SLC6A18: variants seen among roughly 807,000 people sequenced by gnomAD.
SLC6A18 encodes the protein inactive sodium-dependent neutral amino acid transporter B(0)AT3.
Under a neutral mutation model 62.9 loss-of-function variants are expected in SLC6A18, and 58 were observed. That is an observed-to-expected ratio of 0.92 (90% CI 0.75 to 1.15). SLC6A18 has a LOEUF of 1.15. Among genes scored for constraint, SLC6A18 ranks in the 50% most tolerant of loss-of-function variants. The pLI is 0.00. For missense variants in SLC6A18, 793 were observed against 836.6 expected (o/e 0.95, Z 0.64); for synonymous variants, 382 against 365.8 (o/e 1.04, Z -0.51).
intron 1 of SLC6A18, among the ~76,000 whole-genome samples, chr5:1,228,732 C>T (rs968191877): frequency 6.6e-6 from 1 of 152,186 alleles, no homozygotes; most frequent in African/African-American, 2.4e-5. Context: ...ATTAGCCGGG[C>T]GTGCTGGCGT....
intron 1 of SLC6A18, among the ~76,000 whole-genome samples, chr5:1,230,854 T>A (rs1746714381): frequency 6.6e-6 from 1 of 151,638 alleles, no homozygotes; most frequent in African/African-American, 2.4e-5. Context: ...TGGGGAGGAG[T>A]CAACAGCCCT....
rs1424433332 is a variant in SLC6A18 at position 1,232,294 on chromosome 5, G to A, written c.236G>A (p.Gly79Asp). The A allele has an allele frequency of 6.2e-7, 1 of 1,612,540 alleles. No homozygotes were observed. Among genetic ancestry groups the A allele is most frequent in the Admixed American group, 1.7e-5 (1 of 59,998 alleles). ...ATTTTCCACGTCGAGCTCGCCATCG[G>A]CCAGCGGCTGCGGAAGGGCAGCGTC... ...IPIFHVELAIGQRLRKGSVGV... is the reference protein window; with the variant it reads ...IPIFHVELAIDQRLRKGSVGV... Residue 79 changes from glycine (G) to aspartate (D), a missense_variant, in exon 2 of 12, where the codon GGC becomes GAC. Coordinates refer to ENST00000324642, the MANE Select transcript of SLC6A18 (RefSeq NM_182632.3).
chr5:1,238,756 G>T (rs1347976887), intron 5 of SLC6A18, among the ~76,000 whole-genome samples: 1 of 152,228 alleles, frequency 6.6e-6, no homozygotes, highest in African/African-American at 2.4e-5. Context: ...GGTCAGGGGA[G>T]GAGGGACAGG....
intron 1 of SLC6A18, 41 bp from the exon 2 acceptor site, chr5:1,232,177 GC>G: frequency 1.3e-6 from 2 of 1,547,174 alleles, no homozygotes; most frequent in South Asian, 1.1e-5. Context: ...GTCCCCCCCA[GC>G]CCCCGACCCT....
At chr5:1,226,977 TTGC>T (rs1561173299) in intron 1 of SLC6A18, among the ~76,000 whole-genome samples, 46 of 148,142 alleles carry the variant, frequency 3.1e-4, no homozygotes, top group Admixed American at 1.5e-3. Flanking sequence ...CACCGACGCC[TTGC>T]CCACCGATGC....
chr5:1,227,539 A>T (rs1409595126), intron 1 of SLC6A18, among the ~76,000 whole-genome samples: 1 of 152,246 alleles, frequency 6.6e-6, no homozygotes, highest in African/African-American at 2.4e-5. Context: ...CTCATTGATG[A>T]TTTTGAAAAC....
At chr5:1,245,370 C>T (rs763014089) in intron 11 of SLC6A18, among the ~76,000 whole-genome samples, 9 of 152,206 alleles carry the variant, frequency 5.9e-5, no homozygotes, top group Non-Finnish European at 1.2e-4. Context: ...CATGCCACCC[C>T]TTCTCGGGAA....
At chr5:1,237,919 C>A in intron 4 of SLC6A18, 31 bp from the exon 5 acceptor site, 3 of 1,569,686 alleles carry the variant, frequency 1.9e-6, no homozygotes, top group Non-Finnish European at 2.6e-6. Flanking sequence ...GAGGCCATTT[C>A]AAGTCTCATG....
intron 6 of SLC6A18, 131 bp from the exon 7 acceptor site, chr5:1,240,400 C>A: frequency 7.3e-7 from 1 of 1,372,936 alleles, no homozygotes; most frequent in Non-Finnish European, 9.9e-7. Context: ...CAGCAGCAGC[C>A]CTTGGGTCAG....
chr5:1,232,803 C>T lies in SLC6A18; in HGVS notation c.354C>T (p.Ile118=), dbSNP rs199830940. ...TGATCAGCCTGTACTACAACACCAT[C>T]GTGGCGTGGGTGCTGTGGTACCTCC... is the stretch of plus-strand genomic sequence containing the variant. ...SFLISLYYNT[I]VAWVLWYLLN... Residue 118 remains isoleucine (I), a synonymous_variant, in exon 3 of 12, where the codon ATC becomes ATT. Coordinates refer to ENST00000324642, the MANE Select transcript of SLC6A18 (RefSeq NM_182632.3). 65 of 1,613,410 alleles carry T rather than the reference C, an allele frequency of 4.0e-5. No individual in the cohort carries two copies. Among genetic ancestry groups the T allele is most frequent in the African/African-American group, 6.7e-5 (5 of 74,918 alleles).
chr5:1,240,804 G>A, intron 7 of SLC6A18, 145 bp downstream of exon 7: 1 of 1,183,676 alleles, frequency 8.4e-7, no homozygotes, highest in Non-Finnish European at 1.2e-6. Flanking sequence ...TCCCCAGAAG[G>A]TCACTTCCAC....
At chr5:1,238,740 G>A (rs1343165109) in intron 5 of SLC6A18, among the ~76,000 whole-genome samples, 3 of 152,240 alleles carry the variant, frequency 2.0e-5, no homozygotes, top group Admixed American at 6.5e-5. Context: ...GGACATGGAT[G>A]TGAGGGGTCA....
chr5:1,230,481 C>A (rs1746704439), intron 1 of SLC6A18, among the ~76,000 whole-genome samples: 1 of 152,176 alleles, frequency 6.6e-6, no homozygotes, highest in South Asian at 2.1e-4. Context: ...TGTCTTTCTG[C>A]CGCTGTGTAA....
Position 1,225,588 on chromosome 5 carries a change from A to C in SLC6A18, c.111A>C (p.Gly37=). 1.2e-6 allele frequency: 2 copies of C among 1,610,512 alleles called. No individual in the cohort carries two copies. The highest frequency in any genetic ancestry group is 2.2e-5 in the South Asian group (2 of 90,578). ...TGAGCTGCACTGGGTTTGCCGTGGG[A>C]CTGGGGAACATTTGGCGGTTCCCAT... ...YLLSCTGFAV[G]LGNIWRFPYL... is the part of the protein sequence containing the mutation. The change falls in exon 1 of 12, where the codon GGA becomes GGC. Residue 37 remains glycine, a synonymous_variant. Transcript: ENST00000324642.
At chr5:1,242,915 AG>A in intron 8 of SLC6A18, 52 bp downstream of exon 8, 1 of 1,531,556 alleles carries the variant, frequency 6.5e-7, no homozygotes, top group Non-Finnish European at 8.8e-7. Flanking sequence ...CAGGAGCACC[AG>A]GGCCGCACTG....
rs4994840 is a variant in SLC6A18 at position 1,243,732 on chromosome 5, A to G, written c.1309A>G (p.Arg437Gly). 6.2e-7 allele frequency: 1 copy of G among 1,610,832 alleles called. No homozygotes were observed. Among genetic ancestry groups the G allele is most frequent in the East Asian group, 2.2e-5 (1 of 44,822 alleles). ...CCTGCTGGACGTGGGGGTCCTGCCT[A>G]GATGGGTCCCCAAGGAGGCCCTGAC... ...TPLLDVGVLP[R>G]WVPKEALTGL... Residue 437 changes from arginine (R) to glycine (G), a missense_variant, in exon 9 of 12, where the codon AGA (arginine) becomes GGA (glycine). Transcript: ENST00000324642. This position sits in a 1 kb window ranked among gnomAD's most constrained non-coding sequence, Gnocchi z 6.5.
Position 1,225,513 on chromosome 5 carries a change from C to G in SLC6A18, c.36C>G (p.Cys12Trp), listed in dbSNP as rs143864547. The change falls in exon 1 of 12, where the codon TGC (cysteine) becomes TGG (tryptophan). Residue 12 changes from cysteine to tryptophan, a missense_variant. By Grantham distance (215) the Cys-to-Trp change is radical. Transcript: ENST00000324642. ...CCCCAGAACCGGACCCGGCCGCCTG[C>G]GACCTCGGGGATGAGAGGCCCAAGT... ...AHAPEPDPAA[C>W]DLGDERPKWD... The G allele has an allele frequency of 1.9e-5, 31 of 1,613,210 alleles. No individual in the cohort carries two copies. The South Asian group carries it at 2.1e-4, about 11-fold the overall frequency.
At chr5:1,240,462 C>T in intron 6 of SLC6A18, 69 bp from the exon 7 acceptor site, 1 of 1,595,304 alleles carries the variant, frequency 6.3e-7, no homozygotes, top group Non-Finnish European at 8.6e-7. Flanking sequence ...GCCCCCTCCT[C>T]ACTTCCTCCC....
At chr5:1,226,442 T>A (rs1746564226) in intron 1 of SLC6A18, among the ~76,000 whole-genome samples, 1 of 152,146 alleles carries the variant, frequency 6.6e-6, no homozygotes, top group South Asian at 2.1e-4. Flanking sequence ...AGGGTCCTCC[T>A]CAGGCCAGGC....
Sources: allele counts gnomAD v4.1 joint callset (sites outside exome capture counted in the v4.1 genomes callset), GRCh38; gene constraint gnomAD v4.1.1; non-coding constraint Gnocchi (gnomAD v3.1); transcripts MANE v1.5; gene names NCBI Gene and HGNC (gene_info 2026-07-23, HGNC 2026-07-21).